Variants in AGBL4 observed in about 807,000 individuals in gnomAD.
AGBL4 encodes AGBL carboxypeptidase 4.
AGBL4 carries 58 observed loss-of-function variants against 66.4 expected under a neutral mutation model. The observed-to-expected ratio is 0.87, with a 90% confidence interval of 0.71 to 1.09. AGBL4 has a LOEUF of 1.09. Ranked by LOEUF, AGBL4 falls within the 50% of genes least tolerant of loss-of-function variation. AGBL4 has a pLI of 0.00. For synonymous variants in AGBL4, 234 were observed against 222.9 expected (o/e 1.05, Z -0.44); for missense variants, 579 against 631.0 (o/e 0.92, Z 0.88).
intron 3 of AGBL4, among the ~76,000 whole-genome samples, chr1:49,488,064 C>G (rs1015214404): frequency 6.6e-6 from 1 of 151,860 alleles, no homozygotes; most frequent in African/African-American, 2.4e-5. Context: ...GAAATATTAT[C>G]TTATGTTTAC....
chr1:49,085,123 T>C (rs889641144), intron 4 of AGBL4, among the ~76,000 whole-genome samples: 4 of 152,216 alleles, frequency 2.6e-5, no homozygotes, highest in African/African-American at 9.7e-5. Flanking sequence ...GTGGACATCA[T>C]GGCATCTGCT....
chr1:49,725,185 A>T (rs1648920870), intron 2 of AGBL4, among the ~76,000 whole-genome samples: 2 of 152,190 alleles, frequency 1.3e-5, no homozygotes, highest in South Asian at 4.1e-4. Context: ...GAAAATGTTT[A>T]CCTTACAAGA....
chr1:49,310,749 C>T (rs1232505939), intron 3 of AGBL4, among the ~76,000 whole-genome samples: 3 of 151,900 alleles, frequency 2.0e-5, no homozygotes, highest in Non-Finnish European at 4.4e-5. Flanking sequence ...AGAAAACTGG[C>T]TGTGAAGTTA....
At chr1:49,762,414 C>CT (rs759348883) in intron 2 of AGBL4, among the ~76,000 whole-genome samples, 1,472 of 139,254 alleles carry the variant, frequency 0.011, 15 homozygotes, top group African/African-American at 0.022. Context: ...CAATTTTCTT[C>CT]TTTTTTTTTT....
chr1:49,137,748 T>C (rs1260535602), intron 4 of AGBL4, among the ~76,000 whole-genome samples: 1 of 152,116 alleles, frequency 6.6e-6, no homozygotes, highest in East Asian at 1.9e-4. Flanking sequence ...AGAATCTCAA[T>C]ACTTCAGAAA....
chr1:49,559,167 T>C (rs566626813), intron 3 of AGBL4, among the ~76,000 whole-genome samples: 2 of 152,262 alleles, frequency 1.3e-5, no homozygotes, highest in Non-Finnish European at 2.9e-5. Flanking sequence ...GTCCTAGTTG[T>C]GGTAACCATG....
chr1:49,957,927 G>C (rs1042166525), intron 1 of AGBL4, among the ~76,000 whole-genome samples: 15 of 151,926 alleles, frequency 9.9e-5, no homozygotes, highest in Non-Finnish European at 4.4e-5. Flanking sequence ...TATTTTGCTC[G>C]TTAGTTGATG....
At chr1:49,216,636 G>GTA (rs991386911) in intron 4 of AGBL4, among the ~76,000 whole-genome samples, 46 of 151,884 alleles carry the variant, frequency 3.0e-4, no homozygotes, top group Non-Finnish European at 5.7e-4. Context: ...TATTTCCATA[G>GTA]TATATATATA....
At chr1:48,559,743 C>T (rs911599394) in intron 11 of AGBL4, among the ~76,000 whole-genome samples, 1 of 152,056 alleles carries the variant, frequency 6.6e-6, no homozygotes, top group African/African-American at 2.4e-5. Context: ...ATTGTCTCCC[C>T]CAGACCCTCC....
Position 48,534,190 on chromosome 1 carries a change from G to A in AGBL4, c.1495C>T (p.Pro499Ser). Residue 499 changes from proline (P) to serine (S), a missense_variant, in exon 14 of 14, where the codon CCT becomes TCT. Coordinates refer to ENST00000371839, the MANE Select transcript of AGBL4 (RefSeq NM_032785.4). ...CCGTGTCTTTAAAAAGGGGTTGAAG[G>A]GTCTTTGTGGTTCACTGAGCTCTTC... The part of the protein sequence containing the change: ...DKKSSVNHKD[P>S]STPF 1 of 1,551,506 alleles carries A rather than the reference G, an allele frequency of 6.4e-7. No individual in the cohort carries two copies. The highest frequency in any genetic ancestry group is 8.7e-7 in the Non-Finnish European group (1 of 1,146,886).
chr1:49,764,934 T>C (rs1315247581), intron 2 of AGBL4, among the ~76,000 whole-genome samples: 5 of 151,820 alleles, frequency 3.3e-5, no homozygotes. Flanking sequence ...GGAACAGAGG[T>C]GTGATAGGAA....
chr1:49,088,191 A>C (rs1644940983), intron 4 of AGBL4, among the ~76,000 whole-genome samples: 1 of 152,216 alleles, frequency 6.6e-6, no homozygotes, highest in African/African-American at 2.4e-5. Context: ...ATTCACAATA[A>C]CTAGCTAACA....
At chr1:48,870,910 C>T (rs767090594) in intron 5 of AGBL4, among the ~76,000 whole-genome samples, 21 of 152,156 alleles carry the variant, frequency 1.4e-4, no homozygotes, top group African/African-American at 5.1e-4. Context: ...GTGTATGTTC[C>T]AGAATGACTC....
chr1:49,003,258 C>G (rs1330131002), intron 5 of AGBL4, among the ~76,000 whole-genome samples: 2 of 151,858 alleles, frequency 1.3e-5, no homozygotes, highest in African/African-American at 4.8e-5. Context: ...ATTAGCTGGG[C>G]GTGGTGGCAC....
chr1:49,125,965 C>G (rs921830078), intron 4 of AGBL4, among the ~76,000 whole-genome samples: 4 of 152,068 alleles, frequency 2.6e-5, no homozygotes, highest in African/African-American at 9.7e-5. Flanking sequence ...AATATCAGTC[C>G]CATTTTTGTC....
In AGBL4 at chr1:49,511,015, T is replaced by C. The variant is rs1162780161; in HGVS notation, c.282+186298A>G. ...TGTAGTATAGTTTGAAGTCAGGTAG[T>C]GTGATGCCTCCAGCTTTGTTCTTTT... On this transcript the variant is annotated intron_variant, in intron 3 of 13. Transcript: ENST00000371839. 9.3e-5 allele frequency among the ~76,000 whole-genome samples: 14 copies of C among 151,090 alleles called. No homozygotes were observed. In the East Asian group the frequency reaches 9.8e-4, roughly 11 times the overall value.
intron 6 of AGBL4, among the ~76,000 whole-genome samples, chr1:48,797,619 A>G (rs553349993): frequency 2.7e-4 from 41 of 151,336 alleles, no homozygotes; most frequent in African/African-American, 9.7e-4. Context: ...TTTTTTTGAG[A>G]CGGAGTCTCA....
At chr1:49,463,872 C>T (rs1330406930) in intron 3 of AGBL4, among the ~76,000 whole-genome samples, 3 of 151,740 alleles carry the variant, frequency 2.0e-5, no homozygotes, top group African/African-American at 4.8e-5. Context: ...TTTGTTCATG[C>T]GTTCATTCAT....
At chr1:48,643,856 C>A (rs539636145) in intron 8 of AGBL4, among the ~76,000 whole-genome samples, 2 of 152,276 alleles carry the variant, frequency 1.3e-5, no homozygotes, top group East Asian at 3.9e-4. Flanking sequence ...CTATTCTGGT[C>A]TTCTCTCTGC....
Sources: allele counts gnomAD v4.1 joint callset (sites outside exome capture counted in the v4.1 genomes callset), GRCh38; gene constraint gnomAD v4.1.1; transcripts MANE v1.5; gene names NCBI Gene and HGNC (gene_info 2026-07-23, HGNC 2026-07-21).